The following PTPRD variants were observed in gnomAD, a reference collection of about 807,000 sequenced individuals.
PTPRD encodes the protein protein tyrosine phosphatase receptor type D, also known as receptor-type tyrosine-protein phosphatase delta.
A neutral mutation model predicts 214.5 loss-of-function variants in PTPRD; 34 were observed. The observed-to-expected ratio is 0.16, with a 90% CI of 0.12 to 0.21. The LOEUF (loss-of-function observed/expected upper bound fraction) is 0.21, where lower values mean the gene tolerates loss of function less well. Among genes scored for constraint, PTPRD ranks in the 10% least tolerant of loss-of-function variants. The pLI, the probability that PTPRD is intolerant of heterozygous loss-of-function variation, is 1.00. For synonymous variants in PTPRD, 1,128 were observed against 845.7 expected, an observed-to-expected ratio of 1.33 and a Z score of -5.79; for missense variants, 2,545 against 2,398.7, an observed-to-expected ratio of 1.06 and a Z score of -1.27.
At chr9:8,632,577 C>T (rs2096286523) in intron 14 of PTPRD, among the ~76,000 whole-genome samples, 1 of 151,870 alleles carries the variant, frequency 6.6e-6, no homozygotes, top group Non-Finnish European at 1.5e-5. Context: ...TGGGAATGTT[C>T]GTATCTCTAT....
chr9:10,148,135 G>C (rs538732609), intron 3 of PTPRD, among the ~76,000 whole-genome samples: 1 of 152,278 alleles, frequency 6.6e-6, no homozygotes. Context: ...CTATGAGACA[G>C]CTATACAGTG....
At chr9:9,854,360 G>A (rs1357774955) in intron 5 of PTPRD, among the ~76,000 whole-genome samples, 1 of 151,964 alleles carries the variant, frequency 6.6e-6, no homozygotes, top group African/African-American at 2.4e-5. Context: ...CATAGGTCCT[G>A]GAATCAAGGA....
At chr9:9,064,317 A>G (rs1235265999) in intron 10 of PTPRD, among the ~76,000 whole-genome samples, 1 of 152,318 alleles carries the variant, frequency 6.6e-6, no homozygotes, top group African/African-American at 2.4e-5. Context: ...ACACTCTATC[A>G]TAGAATAGTC....
At chr9:9,419,121 C>G in intron 8 of PTPRD, among the ~76,000 whole-genome samples, 1 of 109,118 alleles carries the variant, frequency 9.2e-6, no homozygotes, top group East Asian at 2.8e-4. Context: ...TAAAGATAGG[C>G]CCCTTATACA....
chr9:9,139,038 A>T (rs2099855712), intron 10 of PTPRD, among the ~76,000 whole-genome samples: 1 of 152,104 alleles, frequency 6.6e-6, no homozygotes, highest in African/African-American at 2.4e-5. Context: ...CAGAGCCAGG[A>T]TAGACTCTCA....
intron 9 of PTPRD, among the ~76,000 whole-genome samples, chr9:9,319,890 G>A (rs1965542969): frequency 1.3e-5 from 2 of 152,024 alleles, no homozygotes; most frequent in African/African-American, 2.4e-5. Flanking sequence ...CATACAATTT[G>A]AATTAAGTAA....
At chr9:9,814,396 C>A (rs892784340) in intron 5 of PTPRD, among the ~76,000 whole-genome samples, 1 of 150,634 alleles carries the variant, frequency 6.6e-6, no homozygotes, top group Non-Finnish European at 1.5e-5. Flanking sequence ...AAACCCTCAA[C>A]CCCCCACTAT....
chr9:9,144,579 C>T (rs1176375204), intron 10 of PTPRD, among the ~76,000 whole-genome samples: 1 of 151,920 alleles, frequency 6.6e-6, no homozygotes, highest in Non-Finnish European at 1.5e-5. Flanking sequence ...TGATGAAACC[C>T]CGTCTCTACT....
At chr9:10,412,233 T>C (rs1407927) in intron 2 of PTPRD, among the ~76,000 whole-genome samples, 110,718 of 151,546 alleles carry the variant, frequency 0.73, 41,121 homozygotes, top group Non-Finnish European at 0.81. Context: ...AAAAGGAATG[T>C]TACCACTGAC....
At chr9:10,517,819 C>A (rs532214491) in intron 2 of PTPRD, among the ~76,000 whole-genome samples, 17 of 152,104 alleles carry the variant, frequency 1.1e-4, no homozygotes, top group African/African-American at 3.9e-4. Context: ...ACATAATATT[C>A]ATTTATAGGT....
chr9:9,335,779 G>A (rs1036726499), intron 9 of PTPRD, among the ~76,000 whole-genome samples: 1 of 151,922 alleles, frequency 6.6e-6, no homozygotes, highest in Non-Finnish European at 1.5e-5. Context: ...TTACAAATGA[G>A]GACCCAGAAA....
chr9:8,768,546 C>G (rs894745437), intron 11 of PTPRD, among the ~76,000 whole-genome samples: 7 of 152,046 alleles, frequency 4.6e-5, no homozygotes, highest in Non-Finnish European at 8.8e-5. Flanking sequence ...GAGCAAGATC[C>G]TGTCTCAAAA....
At chr9:9,266,535 A>G (rs1054898757) in intron 9 of PTPRD, among the ~76,000 whole-genome samples, 11 of 151,284 alleles carry the variant, frequency 7.3e-5, no homozygotes, top group African/African-American at 2.7e-4. Flanking sequence ...AGCAAACTGA[A>G]ATTATATCAA....
chr9:10,349,106 C>T (rs2097139635), intron 2 of PTPRD, among the ~76,000 whole-genome samples: 1 of 151,934 alleles, frequency 6.6e-6, no homozygotes, highest in Non-Finnish European at 1.5e-5. Flanking sequence ...AAAATTCAGA[C>T]TCACTGAGCA....
At chr9:8,364,299 A>C (rs2079224900) in intron 39 of PTPRD, among the ~76,000 whole-genome samples, 2 of 152,266 alleles carry the variant, frequency 1.3e-5, no homozygotes, top group African/African-American at 4.8e-5. Context: ...GTGTTACACA[A>C]AATGGAGATT....
intron 9 of PTPRD, among the ~76,000 whole-genome samples, chr9:9,239,936 G>A (rs2099969533): frequency 6.6e-6 from 1 of 152,134 alleles, no homozygotes; most frequent in Admixed American, 6.6e-5. Flanking sequence ...CTAGAGGTGG[G>A]AATTGAGGAC....
chr9:10,280,967 A>G (rs1210452892), intron 3 of PTPRD, among the ~76,000 whole-genome samples: 2 of 152,152 alleles, frequency 1.3e-5, no homozygotes, highest in African/African-American at 4.8e-5. Flanking sequence ...GTGGTTCAGG[A>G]ATCACATTTG....
chr9:8,734,288 C>T (rs536046516), intron 11 of PTPRD, among the ~76,000 whole-genome samples: 9 of 152,172 alleles, frequency 5.9e-5, no homozygotes, highest in Admixed American at 3.9e-4. Flanking sequence ...TGAAACATTA[C>T]GTAAATACAT....
intron 39 of PTPRD, among the ~76,000 whole-genome samples, chr9:8,365,360 A>G (rs973957073): frequency 2.0e-5 from 3 of 152,172 alleles, no homozygotes; most frequent in Admixed American, 1.3e-4. Flanking sequence ...AGTTTCTCCT[A>G]CCCACAAGCT....
Sources: allele counts gnomAD v4.1 joint callset (sites outside exome capture counted in the v4.1 genomes callset), GRCh38; gene constraint gnomAD v4.1.1; transcripts MANE v1.5; gene names NCBI Gene and HGNC (gene_info 2026-07-23, HGNC 2026-07-21).